The following NFRKB variants were observed in gnomAD, a reference collection of about 807,000 sequenced individuals.
NFRKB encodes the protein nuclear factor related to kappa-B-binding protein.
NFRKB carries 62 observed loss-of-function variants against 135.7 expected under a neutral mutation model. The ratio of observed to expected loss-of-function variants is 0.46; its 90% CI spans 0.37 to 0.56. NFRKB has a LOEUF of 0.56. NFRKB is among the 20% of genes least tolerant of loss of function. The pLI is 0.00. For missense variants in NFRKB, 1,545 were observed against 1,662.0 expected, an observed-to-expected ratio of 0.93 and a Z score of 1.22; for synonymous variants, 678 against 635.6, an observed-to-expected ratio of 1.07 and a Z score of -1.00.
chr11:129,882,987 T>C, intron 9 of NFRKB, 135 bp downstream of exon 9: 1 of 724,472 alleles, frequency 1.4e-6, no homozygotes, highest in South Asian at 1.8e-5. Flanking sequence ...TCCCACCTGT[T>C]AGCCTGTAAG....
At chr11:129,878,078 G>A (rs527756384) in intron 15 of NFRKB, among the ~76,000 whole-genome samples, 14 of 152,250 alleles carry the variant, frequency 9.2e-5, no homozygotes, top group Non-Finnish European at 1.6e-4. Flanking sequence ...TACAAAGCAG[G>A]TCATATGCCC....
intron 10 of NFRKB, 98 bp from the exon 11 acceptor site, chr11:129,882,292 A>C (rs1565412861): frequency 4.5e-6 from 6 of 1,341,986 alleles, no homozygotes; most frequent in South Asian, 1.4e-5. Flanking sequence ...AAAAGAGTTC[A>C]AGAAAGGAGC....
chr11:129,881,818 T>TGGC lies in NFRKB; in HGVS notation c.1224_1226dup (p.Pro409dup), dbSNP rs766377847. ...AGAACCAGCTGTTGAGGGAGCTGGC[T>TGGC]GGCGATGACTGCCAATCCAAAACTC... On this transcript the variant is annotated inframe_insertion, in exon 12 of 27. Coordinates refer to ENST00000682444, the MANE Select transcript of NFRKB (RefSeq NM_001143835.2). The TGGC allele has an allele frequency of 4.0e-5, 65 of 1,612,200 alleles. No homozygotes were observed. The highest frequency in any genetic ancestry group is 5.3e-5 in the Non-Finnish European group (63 of 1,179,328).
In NFRKB at chr11:129,875,491, A is replaced by C. The variant is rs769996852; in HGVS notation, c.1748-28T>G. 6.4e-6 allele frequency: 10 copies of C among 1,551,084 alleles called. No individual in the cohort carries two copies. The Admixed American group carries it at 1.7e-4, about 27-fold the overall frequency. On this transcript the variant is annotated intron_variant, in intron 17 of 26. Transcript: ENST00000682444. ...GATGACATGAGAAAGCACACAGTCC[A>C]CAAGTCAGGCAGGGTTCCTACGGAG...
chr11:129,875,135 T>C (rs895474634), intron 18 of NFRKB, among the ~76,000 whole-genome samples: 1 of 152,234 alleles, frequency 6.6e-6, no homozygotes, highest in African/African-American at 2.4e-5. Context: ...ATAAGGATAC[T>C]GTGAAGTAAG....
chr11:129,886,841 C>T (rs1427080421), intron 4 of NFRKB, among the ~76,000 whole-genome samples: 2 of 152,156 alleles, frequency 1.3e-5, no homozygotes, highest in Non-Finnish European at 2.9e-5. Context: ...TTACAGAGCC[C>T]CTCTAAAGCC....
At chr11:129,893,990 T>C (rs1229494008) in intron 2 of NFRKB, 6 of 152,374 alleles carry the variant, frequency 3.9e-5, no homozygotes, top group Admixed American at 2.6e-4. Flanking sequence ...GTAAAGTCAA[T>C]GGCCAATCTG....
chr11:129,874,527 G>A lies in NFRKB; in HGVS notation c.2032C>T (p.Gln678Ter). 1.9e-6 allele frequency: 3 copies of A among 1,614,074 alleles called. No homozygotes were observed. Among genetic ancestry groups the A allele is most frequent in the Non-Finnish European group, 2.5e-6 (3 of 1,179,996 alleles). ...ACCTTGGATGGGGGCTTGGGTTTTTGCTGAAGAGCTTTTCTGGCTTTAGCT... is the reference window on the plus strand; with the variant it reads ...ACCTTGGATGGGGGCTTGGGTTTTTACTGAAGAGCTTTTCTGGCTTTAGCT... ...AAAKARKALQ[Q>*]KPKPPSKVKS... The change falls in exon 20 of 27, where the codon CAA becomes TAA. Residue 678 changes from glutamine (Q) to a stop codon, truncating the protein, a stop_gained. Coordinates refer to ENST00000682444, the MANE Select transcript of NFRKB (RefSeq NM_001143835.2). LOFTEE classifies it high-confidence loss of function. This position sits in a 1 kb window ranked among gnomAD's most constrained non-coding sequence, Gnocchi z 4.5.
intron 25 of NFRKB, among the ~76,000 whole-genome samples, chr11:129,865,345 C>T (rs1457473650): frequency 6.6e-6 from 1 of 152,212 alleles, no homozygotes; most frequent in Non-Finnish European, 1.5e-5. Flanking sequence ...TGGCTCCTGG[C>T]CCCGACCAGC....
At position 129,871,764 on chromosome 11, in the gene NFRKB, A is replaced by G. The variant is rs141017360; in HGVS notation, c.2763+1120T>C. On this transcript the variant is annotated intron_variant, in intron 23 of 26. Transcript: ENST00000682444. ...TTCCCCATTTCCGTTCTTGTCCCCC[A>G]TTGTTCATTCTACCCAGCAGGTGGA... is the stretch of plus-strand genomic sequence containing the variant. 3.0e-3 allele frequency among the ~76,000 whole-genome samples: 457 copies of G among 152,214 alleles called. 1 individual carries two copies. The highest frequency in any genetic ancestry group is 0.011 in the African/African-American group (438 of 41,526).
intron 25 of NFRKB, among the ~76,000 whole-genome samples, chr11:129,865,349 G>A (rs897714042): frequency 2.0e-5 from 3 of 152,162 alleles, no homozygotes; most frequent in African/African-American, 7.2e-5. Context: ...TCCTGGCCCC[G>A]ACCAGCAGGA....
At chr11:129,885,744 C>A in intron 5 of NFRKB, 135 bp from the exon 6 acceptor site, 1 of 759,828 alleles carries the variant, frequency 1.3e-6, no homozygotes, top group South Asian at 2.3e-5. Context: ...AAGAAAGATG[C>A]ACATATATAT....
Position 129,864,114 on chromosome 11 carries a change from C to T in NFRKB, c.*611G>A, listed in dbSNP as rs1948080918. On this transcript the variant is annotated 3_prime_UTR_variant, in exon 27 of 27. Coordinates refer to ENST00000682444, the MANE Select transcript of NFRKB (RefSeq NM_001143835.2). The stretch of plus-strand genomic sequence containing the variant: ...CTCGCTGCCTACGATGAATTCCCAT[C>T]TTACAGCCTCTCGATTACTATGCAG... The T allele has an allele frequency of 6.6e-6, 1 of 152,280 alleles. No individual in the cohort carries two copies. Among genetic ancestry groups the T allele is most frequent in the South Asian group, 2.1e-4 (1 of 4,836 alleles). 9.4% of individuals were successfully genotyped at this position (152,280 alleles called of 1,614,324 possible).
rs1436860240 is a variant in NFRKB, at chr11:129,882,599, C to A, written c.934G>T (p.Val312Phe). The A allele has an allele frequency of 6.2e-7, 1 of 1,613,812 alleles. No individual in the cohort carries two copies. ...LYDLAVLKKK[V>F]KEKEEKKKKK... ...TTCTTCTTTTCCTCTTTTTCCTTAACCTTTTTTTTAAGGACAGCCAAGTCA... is the reference window on the plus strand; with the variant it reads ...TTCTTCTTTTCCTCTTTTTCCTTAAACTTTTTTTTAAGGACAGCCAAGTCA... The change falls in exon 10 of 27, where the codon GTT (valine) becomes TTT (phenylalanine). Residue 312 changes from valine (V) to phenylalanine (F), a missense_variant. This residue lies in a region of NFRKB where 678 missense variants were observed against 646.7 expected (regional missense o/e 1.05). Transcript: ENST00000682444.
At chr11:129,882,419 T>C (rs754168639) in intron 10 of NFRKB, 32 bp downstream of exon 10, 2 of 1,604,548 alleles carry the variant, frequency 1.2e-6, no homozygotes, top group Non-Finnish European at 8.5e-7. Context: ...CCATTCACCC[T>C]GAGAATTACA....
intron 24 of NFRKB, among the ~76,000 whole-genome samples, chr11:129,866,262 T>C (rs10894158): frequency 0.34 from 50,986 of 151,920 alleles, 9,730 homozygotes; most frequent in East Asian, 0.46. Context: ...AAAACCTGTA[T>C]CTAAATCACA....
chr11:129,890,848 C>T (rs140117819), intron 3 of NFRKB, among the ~76,000 whole-genome samples: 87 of 152,236 alleles, frequency 5.7e-4, no homozygotes, highest in Middle Eastern at 3.4e-3. Context: ...ACAGAAAATA[C>T]GTGTAGGTTT....
At position 129,893,037 on chromosome 11, in the gene NFRKB, T is replaced by A. The variant is rs1400036402; in HGVS notation, c.-21-167A>T. 12 of 1,448,846 alleles carry A rather than the reference T, an allele frequency of 8.3e-6. No individual in the cohort carries two copies. The East Asian group carries it at 2.9e-4, about 36-fold the overall frequency. 89.7% of individuals were successfully genotyped at this position (1,448,846 alleles called of 1,614,324 possible). ...TCCTCCCTCCCTTTCACCACAGCAT[T>A]CCCACTGGAATTTTCAAGTCTTACC... is the stretch of plus-strand genomic sequence containing the variant. On this transcript the variant is annotated intron_variant, in intron 2 of 26. Transcript: ENST00000682444.
intron 5 of NFRKB, 58 bp from the exon 6 acceptor site, chr11:129,885,667 G>C: frequency 6.7e-7 from 1 of 1,503,000 alleles, no homozygotes; most frequent in Non-Finnish European, 9.0e-7. Context: ...CTGGAACAAT[G>C]AACACTCTAC....
Sources: gnomAD v4.1 joint callset for allele counts (sites outside exome capture counted in the v4.1 genomes callset) on GRCh38, gnomAD v4.1.1 for gene constraint, gnomAD v4.1.1 regional missense constraint, Gnocchi (gnomAD v3.1) non-coding constraint, MANE v1.5 for transcripts, NCBI Gene and HGNC (gene_info 2026-07-23, HGNC 2026-07-21) for gene names.